Variants in KDM3A observed in about 807,000 individuals in gnomAD.
KDM3A encodes the protein lysine-specific demethylase 3A.
In KDM3A, 60 loss-of-function variants were observed where a neutral mutation model predicts 158.0. The ratio of observed to expected loss-of-function variants is 0.38; its 90% CI spans 0.31 to 0.47. The LOEUF is 0.47. Among genes scored for constraint, KDM3A ranks in the 20% least tolerant of loss-of-function variants. KDM3A has a pLI of 0.99. For synonymous variants in KDM3A, 608 were observed against 549.3 expected (o/e 1.11, Z -1.49); for missense variants, 1,319 against 1,574.3 (o/e 0.84, Z 2.74).
intron 8 of KDM3A, among the ~76,000 whole-genome samples, chr2:86,462,133 A>G (rs541606996): frequency 2.2e-4 from 33 of 152,254 alleles, no homozygotes; most frequent in African/African-American, 7.5e-4. Flanking sequence ...GGTAGATTCA[A>G]TACATACTTT....
rs1027713302 is a variant in KDM3A, at chr2:86,470,133, G to T, written c.1520-71G>T. ...TAAGGGAATATTGGGTTTTTGAATA[G>T]AATTCAGTCATATATGAATGTGATT... On this transcript the variant is annotated intron_variant, in intron 10 of 25. Coordinates refer to ENST00000312912, the MANE Select transcript of KDM3A (RefSeq NM_018433.6). 3.2e-6 allele frequency: 4 copies of T among 1,250,644 alleles called. No individual in the cohort carries two copies. In the African/African-American group the frequency reaches 4.5e-5, roughly 14 times the overall value. 77.5% of individuals were successfully genotyped at this position (1,250,644 alleles called of 1,614,324 possible). A position where few individuals can be genotyped will look rare whatever the true frequency, so the allele number is the denominator to read the frequency against.
chr2:86,474,969 A>G lies in KDM3A; in HGVS notation c.1918A>G (p.Met640Val), dbSNP rs1020126093. 2.5e-6 allele frequency: 4 copies of G among 1,614,006 alleles called. No individual in the cohort carries two copies. The highest frequency in any genetic ancestry group is 1.7e-5 in the Admixed American group (1 of 60,008). The change falls in exon 12 of 26, where the codon ATG (methionine) becomes GTG (valine). Residue 640 changes from methionine (M) to valine (V), a missense_variant. Physicochemically the swap from Met to Val is conservative, Grantham distance 21. This residue lies in a region of KDM3A where 113 missense variants were observed against 190.5 expected (regional missense o/e 0.59). Transcript: ENST00000312912. ...AATGGTGATTTCTGAAAAGGAAGCT[A>G]TGTCAACTATTGAGCCACACAGTAA... ...CQMVISEKEA[M>V]STIEPHRQVA...
chr2:86,457,888 A>G (rs1258281292), intron 8 of KDM3A, among the ~76,000 whole-genome samples: 2 of 152,214 alleles, frequency 1.3e-5, no homozygotes, highest in Non-Finnish European at 2.9e-5. Flanking sequence ...ATTTAATTCT[A>G]TTCTGAAATA....
chr2:86,439,413 AGTTTTTCTTTCTTATACTCGC>A (rs1324853242), upstream of KDM3A, among the ~76,000 whole-genome samples: 1 of 152,090 alleles, frequency 6.6e-6, no homozygotes, highest in Non-Finnish European at 1.5e-5. Flanking sequence ...ATTGAACCAT[AGTTTTTCTTTCTTATACTCGC>A]CCAGTTCAGA....
At chr2:86,484,224 G>A in intron 19 of KDM3A, 66 bp downstream of exon 19, 1 of 1,394,480 alleles carries the variant, frequency 7.2e-7, no homozygotes, top group South Asian at 1.3e-5. Flanking sequence ...AATGGCAGGA[G>A]TCTGAGACCC....
At chr2:86,455,039 C>T (rs1672628578) in intron 4 of KDM3A, 46 bp from the exon 5 acceptor site, 3 of 1,126,606 alleles carry the variant, frequency 2.7e-6, no homozygotes, top group Middle Eastern at 2.3e-4. Context: ...AATAACTCTT[C>T]TTATTAACTG....
At chr2:86,439,745 G>A (rs968013578), upstream of KDM3A, among the ~76,000 whole-genome samples, 2 of 152,110 alleles carry the variant, frequency 1.3e-5, no homozygotes, top group Non-Finnish European at 2.9e-5. Context: ...GATAGGCCAT[G>A]TTTTTAGATT....
At chr2:86,443,323 C>T (rs537715509) in intron 2 of KDM3A, 1 of 152,298 alleles carries the variant, frequency 6.6e-6, no homozygotes, top group Non-Finnish European at 1.5e-5. Context: ...AAACACTGTT[C>T]ATTTGAACAC....
intron 11 of KDM3A, among the ~76,000 whole-genome samples, chr2:86,473,314 C>T (rs1673500284): frequency 6.6e-6 from 1 of 152,140 alleles, no homozygotes. Flanking sequence ...GCTTGTGCTA[C>T]CATGCCTGGC....
intron 14 of KDM3A, 71 bp from the exon 15 acceptor site, chr2:86,478,537 C>T (rs1673770956): frequency 6.5e-7 from 1 of 1,536,642 alleles, no homozygotes; most frequent in South Asian, 1.2e-5. Flanking sequence ...ATGCCAGCTT[C>T]TGCTCTGTAA....
intron 12 of KDM3A, among the ~76,000 whole-genome samples, chr2:86,476,824 G>C (rs1423813690): frequency 8.5e-5 from 13 of 152,194 alleles, no homozygotes; most frequent in African/African-American, 1.2e-4. Context: ...ACTAAAGCTT[G>C]GTCATTTGGG....
chr2:86,442,457 G>C, intron 2 of KDM3A: 1 of 498,582 alleles, frequency 2.0e-6, no homozygotes, highest in Non-Finnish European at 3.6e-6. Flanking sequence ...TGGGCTTAGG[G>C]TTGTTCAGAC....
At chr2:86,475,105 T>C (rs1029363891) in intron 12 of KDM3A, 115 bp downstream of exon 12, 2 of 824,520 alleles carry the variant, frequency 2.4e-6, no homozygotes, top group East Asian at 2.5e-5. Context: ...TAGATAACTT[T>C]GGTATAATGA....
Position 86,491,235 on chromosome 2 carries a change from A to G in KDM3A, c.3845A>G (p.Tyr1282Cys), listed in dbSNP as rs1674440675. ...HCFWLTQEFR[Y>C]LSQTHTNHED... Reference sequence around the variant, plus strand: ...TTCTGGCTTACTCAGGAATTCCGATATCTGTCACAGACTCATACCAATCAC... The same window carrying G: ...TTCTGGCTTACTCAGGAATTCCGATGTCTGTCACAGACTCATACCAATCAC... Residue 1282 changes from tyrosine (Y) to cysteine (C), a missense_variant, in exon 25 of 26, where the codon TAT becomes TGT. Tyr to Cys is a radical substitution (Grantham distance 194). Around this residue, in one of 4 missense-constraint regions of KDM3A, gnomAD observed 186 missense variants for 340.9 expected, o/e 0.55. Coordinates refer to ENST00000312912, the MANE Select transcript of KDM3A (RefSeq NM_018433.6). 1 of 1,613,732 alleles carries G rather than the reference A, an allele frequency of 6.2e-7. No individual in the cohort carries two copies.
intron 4 of KDM3A, among the ~76,000 whole-genome samples, chr2:86,452,925 C>G (rs893921340): frequency 6.6e-6 from 1 of 152,090 alleles, no homozygotes; most frequent in African/African-American, 2.4e-5. Context: ...TGTGTTATAC[C>G]CATCTTGATA....
At chr2:86,458,374 C>T (rs1360403366) in intron 8 of KDM3A, among the ~76,000 whole-genome samples, 1 of 152,170 alleles carries the variant, frequency 6.6e-6, no homozygotes, top group African/African-American at 2.4e-5. Context: ...CCTCTTGAGG[C>T]TCAGGTTGTT....
chr2:86,439,710 CTCA>C (rs1252726404), upstream of KDM3A, among the ~76,000 whole-genome samples: 2 of 152,060 alleles, frequency 1.3e-5, no homozygotes, highest in Admixed American at 6.5e-5. Flanking sequence ...TGTAAAATTT[CTCA>C]TCGTTCATAG....
intron 10 of KDM3A, among the ~76,000 whole-genome samples, chr2:86,469,035 C>G (rs576726237): frequency 6.6e-6 from 1 of 152,270 alleles, no homozygotes; most frequent in South Asian, 2.1e-4. Context: ...AAAATTACAT[C>G]CTTGAACTAC....
In KDM3A at chr2:86,482,053, A is replaced by G; in HGVS notation, c.2636A>G (p.Asn879Ser). 4 of 1,613,702 alleles carry G rather than the reference A, an allele frequency of 2.5e-6. No individual in the cohort carries two copies. Among genetic ancestry groups the G allele is most frequent in the South Asian group, 2.2e-5 (2 of 91,070 alleles). The change falls in exon 17 of 26, where the codon AAC becomes AGC. Residue 879 changes from asparagine (N) to serine (S), a missense_variant. Around this residue, in one of 4 missense-constraint regions of KDM3A, gnomAD observed 368 missense variants for 415.8 expected, o/e 0.89. Coordinates refer to ENST00000312912, the MANE Select transcript of KDM3A (RefSeq NM_018433.6). Reference protein sequence around the residue: ...FNSTILTPVSNNNSGFLRNLL... With the variant: ...FNSTILTPVSSNNSGFLRNLL... Reference sequence around the variant, plus strand: ...AGCACAATTTTGACACCCGTAAGCAACAACAATTCTGGTTTCCTCCGGAAT... The same window carrying G: ...AGCACAATTTTGACACCCGTAAGCAGCAACAATTCTGGTTTCCTCCGGAAT...
Sources: gnomAD v4.1 joint callset for allele counts (sites outside exome capture counted in the v4.1 genomes callset) on GRCh38, gnomAD v4.1.1 for gene constraint, gnomAD v4.1.1 regional missense constraint, MANE v1.5 for transcripts, NCBI Gene and HGNC (gene_info 2026-07-23, HGNC 2026-07-21) for gene names.